The following DSCAML1 variants were observed in gnomAD, a reference collection of about 807,000 sequenced individuals.
DSCAML1 encodes the protein DS cell adhesion molecule like 1.
DSCAML1 carries 38 observed loss-of-function variants against 200.5 expected under a neutral mutation model. That is an observed-to-expected ratio of 0.19 (90% CI 0.15 to 0.25). The LOEUF is 0.25. DSCAML1 is among the 10% of genes least tolerant of loss of function. The probability of loss-of-function intolerance (pLI) is 1.00; values close to 1 mark genes in which losing one functional copy is unlikely to be tolerated. For synonymous variants in DSCAML1, 1,215 were observed against 1,165.0 expected (o/e 1.04, Z -0.87); for missense variants, 2,223 against 2,858.8 (o/e 0.78, Z 5.07).
intron 3 of DSCAML1, among the ~76,000 whole-genome samples, chr11:117,725,818 C>T (rs1303021523): frequency 6.7e-6 from 1 of 150,254 alleles, no homozygotes; most frequent in Non-Finnish European, 1.5e-5. Flanking sequence ...CAAAACAAAA[C>T]AAAACAAAAC....
At chr11:117,715,179 T>C (rs1459641123) in intron 3 of DSCAML1, among the ~76,000 whole-genome samples, 1 of 152,108 alleles carries the variant, frequency 6.6e-6, no homozygotes, top group Non-Finnish European at 1.5e-5. Context: ...TCAGGGCTTT[T>C]TGGTTTCAGA....
rs146517161 is a variant in DSCAML1 at position 117,641,668 on chromosome 11, A to C, written c.512-109146T>G. Reference sequence around the variant, plus strand: ...GAGGGCCCCGACTCAGAAGAGGGAGACAGACTCGGGCTGGGGAGCACTCAC... The same window carrying C: ...GAGGGCCCCGACTCAGAAGAGGGAGCCAGACTCGGGCTGGGGAGCACTCAC... On this transcript the variant is annotated intron_variant, in intron 3 of 32. Coordinates refer to ENST00000651296, the MANE Select transcript of DSCAML1 (RefSeq NM_020693.4). Among the ~76,000 whole-genome samples the C allele has an allele frequency of 4.2e-3, 642 of 152,182 alleles. 7 individuals carry two copies. Among genetic ancestry groups the C allele is most frequent in the African/African-American group, 0.015 (621 of 41,538 alleles).
chr11:117,640,521 C>A (rs992555001), intron 3 of DSCAML1, among the ~76,000 whole-genome samples: 2 of 152,226 alleles, frequency 1.3e-5, no homozygotes, highest in Admixed American at 1.3e-4. Context: ...CAGTCATCCA[C>A]TATCCAGGTG....
intron 3 of DSCAML1, among the ~76,000 whole-genome samples, chr11:117,653,407 G>A (rs1277749753): frequency 6.6e-6 from 1 of 152,168 alleles, no homozygotes; most frequent in Non-Finnish European, 1.5e-5. Flanking sequence ...GGGCATCCCA[G>A]AAGCCTGGGG....
chr11:117,704,159 G>T (rs919031565), intron 3 of DSCAML1, among the ~76,000 whole-genome samples: 1 of 150,732 alleles, frequency 6.6e-6, no homozygotes, highest in Admixed American at 6.6e-5. Flanking sequence ...GAGGAAGGGC[G>T]GGAAGGAAGG....
At chr11:117,673,464 C>T (rs1197969992) in intron 3 of DSCAML1, among the ~76,000 whole-genome samples, 1 of 152,138 alleles carries the variant, frequency 6.6e-6, no homozygotes, top group Non-Finnish European at 1.5e-5. Flanking sequence ...GGGGGTTTAT[C>T]CCAAGTGCAG....
chr11:117,589,596 G>A (rs1225227502), intron 3 of DSCAML1, among the ~76,000 whole-genome samples: 2 of 152,154 alleles, frequency 1.3e-5, no homozygotes, highest in African/African-American at 4.8e-5. Context: ...AATGATAATC[G>A]ATGCTTATTA....
At chr11:117,620,736 T>C (rs968909219) in intron 3 of DSCAML1, among the ~76,000 whole-genome samples, 3 of 152,216 alleles carry the variant, frequency 2.0e-5, no homozygotes, top group Non-Finnish European at 4.4e-5. Flanking sequence ...AGAGTCTGTG[T>C]GAAATACTAG....
chr11:117,528,892 C>T (rs991027542), intron 4 of DSCAML1, among the ~76,000 whole-genome samples: 16 of 152,096 alleles, frequency 1.1e-4, no homozygotes, highest in African/African-American at 3.1e-4. Context: ...ACTGCCTCTG[C>T]AACTTGGAAA....
chr11:117,677,711 G>A (rs764714091), intron 3 of DSCAML1, among the ~76,000 whole-genome samples: 2 of 152,164 alleles, frequency 1.3e-5, no homozygotes, highest in African/African-American at 2.4e-5. Flanking sequence ...CACTTTCTAC[G>A]CACCAGGCTC....
At position 117,503,789 on chromosome 11, in the gene DSCAML1, G is replaced by A. The variant is rs1001769309; in HGVS notation, c.2359+56C>T. ...AGAGAGTAGGCAGGGAGAGTGCAGA[G>A]CCGGGGCTTGGCTGTGATTTGGGGG... On this transcript the variant is annotated intron_variant, in intron 11 of 32. Transcript: ENST00000651296. The surrounding 1 kb of genome is among the most constrained non-coding windows in gnomAD (Gnocchi z 5.2). 42 of 1,558,804 alleles carry A rather than the reference G, an allele frequency of 2.7e-5. No individual in the cohort carries two copies. Among genetic ancestry groups the A allele is most frequent in the Non-Finnish European group, 3.4e-5 (39 of 1,146,248 alleles).
At chr11:117,796,988 C>A (rs1375808741) in intron 1 of DSCAML1, 46 bp downstream of exon 1, 2 of 1,316,472 alleles carry the variant, frequency 1.5e-6, no homozygotes, top group Non-Finnish European at 9.8e-7. Context: ...GCCGCGCCAC[C>A]CTGGCCCCGC....
At chr11:117,691,870 C>A (rs996400351) in intron 3 of DSCAML1, among the ~76,000 whole-genome samples, 1 of 152,046 alleles carries the variant, frequency 6.6e-6, no homozygotes, top group African/African-American at 2.4e-5. Context: ...GAATCCCACC[C>A]GAGGGTGGGT....
chr11:117,617,552 C>G (rs1007321542), intron 3 of DSCAML1, among the ~76,000 whole-genome samples: 19 of 152,076 alleles, frequency 1.2e-4, no homozygotes, highest in Non-Finnish European at 1.8e-4. Context: ...ATAGTCTGCG[C>G]AATTAACAAT....
intron 3 of DSCAML1, among the ~76,000 whole-genome samples, chr11:117,588,596 G>A (rs1191433594): frequency 6.6e-6 from 1 of 152,198 alleles, no homozygotes; most frequent in Admixed American, 6.5e-5. Context: ...AGCCTTCATG[G>A]CCCGTAGCCT....
At chr11:117,798,784 CG>C (rs916413164), upstream of DSCAML1, among the ~76,000 whole-genome samples, 1 of 152,144 alleles carries the variant, frequency 6.6e-6, no homozygotes. Context: ...GTGAGAAAAT[CG>C]GGGCTTAACT....
intron 20 of DSCAML1, among the ~76,000 whole-genome samples, chr11:117,447,232 G>A (rs530987824): frequency 3.9e-4 from 59 of 152,154 alleles, no homozygotes; most frequent in Non-Finnish European, 7.2e-4. Context: ...AGGATACAGC[G>A]AGCTGAGATG....
At chr11:117,770,501 C>G (rs56112767) in intron 3 of DSCAML1, among the ~76,000 whole-genome samples, 10,080 of 152,050 alleles carry the variant, frequency 0.066, 350 homozygotes, top group Middle Eastern at 0.095. Context: ...CGATTTGCCA[C>G]GGGACATTAG....
Position 117,480,711 on chromosome 11 carries a change from G to A in DSCAML1, c.2657-140C>T, listed in dbSNP as rs1423875202. The A allele has an allele frequency of 1.1e-5, 10 of 909,944 alleles. No homozygotes were observed. The highest frequency in any genetic ancestry group is 4.9e-5 in the Admixed American group (2 of 41,134). The allele number at this position is 909,944 out of a possible 1,614,324, so 56.4% of individuals were successfully genotyped here. On this transcript the variant is annotated intron_variant, in intron 13 of 32. Coordinates refer to ENST00000651296, the MANE Select transcript of DSCAML1 (RefSeq NM_020693.4). The surrounding 1 kb of genome is among the most constrained non-coding windows in gnomAD (Gnocchi z 4.1). ...GGGTTTGAGCAGGGTGGGGGCTGGA[G>A]GAGGCCAGCAGCCAGGCTTGGAGGC...
Sources: allele counts gnomAD v4.1 joint callset (sites outside exome capture counted in the v4.1 genomes callset), GRCh38; gene constraint gnomAD v4.1.1; non-coding constraint Gnocchi (gnomAD v3.1); transcripts MANE v1.5; gene names NCBI Gene and HGNC (gene_info 2026-07-23, HGNC 2026-07-21).